SORCS3: variants seen among roughly 807,000 people sequenced by gnomAD.
SORCS3 encodes sortilin related VPS10 domain containing receptor 3, also known as VPS10 domain-containing receptor SorCS3.
SORCS3 carries 57 observed loss-of-function variants against 146.3 expected under a neutral mutation model. The ratio of observed to expected loss-of-function variants is 0.39; its 90% CI spans 0.31 to 0.49. The LOEUF (loss-of-function observed/expected upper bound fraction) is 0.49, where lower values mean the gene tolerates loss of function less well. SORCS3 is among the 20% of genes least tolerant of loss of function. SORCS3 has a pLI of 0.92. For missense variants in SORCS3, 1,341 were observed against 1,575.5 expected (o/e 0.85, Z 2.52); for synonymous variants, 653 against 618.5 (o/e 1.06, Z -0.83).
chr10:104,814,158 C>T (rs918788650), intron 1 of SORCS3, among the ~76,000 whole-genome samples: 2 of 152,112 alleles, frequency 1.3e-5, no homozygotes, highest in African/African-American at 2.4e-5. Context: ...AGTCTCAAGA[C>T]ACAAGGGGGG....
Position 104,641,622 on chromosome 10 carries a change from G to A in SORCS3, c.295G>A (p.Gly99Ser), listed in dbSNP as rs117144385. The A allele has an allele frequency of 0.086, 131,232 of 1,520,962 alleles. 6,188 individuals are homozygous for A. The highest frequency in any genetic ancestry group is 0.15 in the Admixed American group (7,659 of 49,870). 94.2% of individuals were successfully genotyped at this position (1,520,962 alleles called of 1,614,324 possible). Reference sequence around the variant, plus strand: ...GCCCCAGCAGGGCGGCGGCAGAGGCGGTGAGATGCAGGTGGAAGCCGGAGG... The same window carrying A: ...GCCCCAGCAGGGCGGCGGCAGAGGCAGTGAGATGCAGGTGGAAGCCGGAGG... ...LLPQQGGGRG[G>S]EMQVEAGGTS... The change falls in exon 1 of 27, where the codon GGT becomes AGT. Residue 99 changes from glycine (G) to serine (S), a missense_variant. Coordinates refer to ENST00000369701, the MANE Select transcript of SORCS3 (RefSeq NM_014978.3). The surrounding 1 kb of genome is among the most constrained non-coding windows in gnomAD (Gnocchi z 6.4).
chr10:105,177,978 G>A, intron 13 of SORCS3, 88 bp from the exon 14 acceptor site: 1 of 933,314 alleles, frequency 1.1e-6, no homozygotes, highest in Non-Finnish European at 1.7e-6. Context: ...GCAAGATACA[G>A]AGGAAAATTT....
At chr10:104,712,165 C>T (rs1337325437) in intron 1 of SORCS3, among the ~76,000 whole-genome samples, 2 of 152,084 alleles carry the variant, frequency 1.3e-5, no homozygotes, top group Non-Finnish European at 2.9e-5. Context: ...TGCATCATCT[C>T]CTTGAATCCG....
chr10:105,075,757 T>C (rs947167773), intron 5 of SORCS3, among the ~76,000 whole-genome samples: 1 of 151,886 alleles, frequency 6.6e-6, no homozygotes, highest in Non-Finnish European at 1.5e-5. Context: ...AGCTGTGGAG[T>C]CACTGAACAC....
intron 1 of SORCS3, among the ~76,000 whole-genome samples, chr10:104,724,850 C>T (rs532719510): frequency 8.3e-4 from 126 of 152,222 alleles, no homozygotes; most frequent in African/African-American, 2.8e-3. Flanking sequence ...GACTTCTCTG[C>T]GTTGGTTATT....
chr10:104,698,090 C>T (rs1214692904), intron 1 of SORCS3, among the ~76,000 whole-genome samples: 1 of 152,186 alleles, frequency 6.6e-6, no homozygotes, highest in African/African-American at 2.4e-5. Context: ...TGGAACAACT[C>T]TTTCTAGGAA....
chr10:105,141,851 G>A (rs2056097655), intron 8 of SORCS3, among the ~76,000 whole-genome samples: 1 of 152,180 alleles, frequency 6.6e-6, no homozygotes, highest in Admixed American at 6.6e-5. Context: ...TTTCATTCCA[G>A]CTCTACCACT....
intron 1 of SORCS3, among the ~76,000 whole-genome samples, chr10:104,646,921 TTTG>T (rs1022885460): frequency 1.1e-4 from 17 of 152,240 alleles, no homozygotes; most frequent in African/African-American, 3.6e-4. Context: ...GGGCTCTGAC[TTTG>T]TTGGTAGTCA....
chr10:105,201,353 A>G, intron 16 of SORCS3, 100 bp downstream of exon 16: 4 of 1,385,232 alleles, frequency 2.9e-6, no homozygotes, highest in Non-Finnish European at 3.9e-6. Flanking sequence ...AGCATGACGC[A>G]GAGATAGGAG....
chr10:105,113,296 T>C (rs555818764), intron 7 of SORCS3, among the ~76,000 whole-genome samples: 2 of 152,312 alleles, frequency 1.3e-5, no homozygotes, highest in East Asian at 3.9e-4. Context: ...TATTAATAAA[T>C]GTGATGCACA....
intron 1 of SORCS3, among the ~76,000 whole-genome samples, chr10:104,670,043 A>C (rs2015833107): frequency 6.6e-6 from 1 of 152,008 alleles, no homozygotes; most frequent in African/African-American, 2.4e-5. Flanking sequence ...TGTCTATTCA[A>C]GTCCTTTGCC....
In SORCS3 at chr10:104,696,344, T is replaced by TCATATACACATATA. The variant is rs1564661155; in HGVS notation, c.627+54390_627+54391insCATATACACATATA. The stretch of plus-strand genomic sequence containing the variant: ...TATCATATACACATATGATATATGA[T>TCATATACACATATA]ATATATCATATATATATCATATATA... On this transcript the variant is annotated intron_variant, in intron 1 of 26. Transcript: ENST00000369701. Among the ~76,000 whole-genome samples, 10 of 2,396 alleles carry TCATATACACATATA rather than the reference T, an allele frequency of 4.2e-3. 1 individual carries two copies. The highest frequency in any genetic ancestry group is 6.8e-3 in the Non-Finnish European group (8 of 1,170). The allele number at this position is 2,396 out of a possible 152,430, so 1.6% of individuals were successfully genotyped here. A position where few individuals can be genotyped will look rare whatever the true frequency, so the allele number is the denominator to read the frequency against.
At chr10:105,217,687 T>G (rs906575870) in intron 19 of SORCS3, among the ~76,000 whole-genome samples, 3 of 152,270 alleles carry the variant, frequency 2.0e-5, no homozygotes, top group Non-Finnish European at 4.4e-5. Flanking sequence ...TATTTTGTTG[T>G]GCTAGAATCT....
At chr10:104,663,271 G>A (rs948179736) in intron 1 of SORCS3, among the ~76,000 whole-genome samples, 1 of 152,176 alleles carries the variant, frequency 6.6e-6, no homozygotes, top group Non-Finnish European at 1.5e-5. Context: ...CGTAACAACT[G>A]CTGTCTATCG....
chr10:105,240,471 T>C (rs2056815826), intron 20 of SORCS3, among the ~76,000 whole-genome samples: 1 of 152,194 alleles, frequency 6.6e-6, no homozygotes, highest in Non-Finnish European at 1.5e-5. Context: ...ACACCACCTG[T>C]AGTCTACCAT....
intron 19 of SORCS3, among the ~76,000 whole-genome samples, chr10:105,220,690 A>T (rs778298093): frequency 6.6e-6 from 1 of 152,158 alleles, no homozygotes; most frequent in African/African-American, 2.4e-5. Flanking sequence ...GAAGTTTTTC[A>T]TCTCCCCCCT....
intron 25 of SORCS3, among the ~76,000 whole-genome samples, chr10:105,259,165 G>GTTTAA (rs774664205): frequency 6.6e-6 from 1 of 152,116 alleles, no homozygotes; most frequent in Non-Finnish European, 1.5e-5. Flanking sequence ...TCTATCATCA[G>GTTTAA]TACTGTTTAA....
At chr10:104,784,113 T>C (rs1051923957) in intron 1 of SORCS3, among the ~76,000 whole-genome samples, 12 of 152,240 alleles carry the variant, frequency 7.9e-5, no homozygotes, top group African/African-American at 2.9e-4. Flanking sequence ...ACCACAGTTA[T>C]CTTGTTTTTC....
chr10:104,661,178 A>G (rs1368069057), intron 1 of SORCS3, among the ~76,000 whole-genome samples: 1 of 152,136 alleles, frequency 6.6e-6, no homozygotes, highest in Non-Finnish European at 1.5e-5. Flanking sequence ...TTTCTAGTTT[A>G]TTCCCCTCTT....
Sources: allele counts gnomAD v4.1 joint callset (sites outside exome capture counted in the v4.1 genomes callset), GRCh38; gene constraint gnomAD v4.1.1; non-coding constraint Gnocchi (gnomAD v3.1); transcripts MANE v1.5; gene names NCBI Gene and HGNC (gene_info 2026-07-23, HGNC 2026-07-21).